LRRC4C: variants seen among roughly 807,000 people sequenced by gnomAD.
LRRC4C encodes the protein leucine-rich repeat-containing protein 4C.
Under a neutral mutation model 33.6 loss-of-function variants are expected in LRRC4C, and 5 were observed. The observed-to-expected ratio is 0.15, with a 90% CI of 0.08 to 0.31. The LOEUF is 0.31. Ranked by LOEUF, LRRC4C falls within the 10% of genes least tolerant of loss-of-function variation. LRRC4C has a pLI of 1.00. For synonymous variants in LRRC4C, 329 were observed against 302.0 expected, an observed-to-expected ratio of 1.09 and a Z score of -0.93; for missense variants, 560 against 796.7, an observed-to-expected ratio of 0.70 and a Z score of 3.58.
intron 5 of LRRC4C, among the ~76,000 whole-genome samples, chr11:40,187,527 TTG>T: frequency 6.6e-6 from 1 of 152,060 alleles, no homozygotes; most frequent in East Asian, 1.9e-4. Flanking sequence ...TGATCTTCTC[TTG>T]AAAAGGAGCA....
intron 5 of LRRC4C, among the ~76,000 whole-genome samples, chr11:40,148,289 C>T (rs1857910071): frequency 6.6e-6 from 1 of 152,214 alleles, no homozygotes; most frequent in African/African-American, 2.4e-5. Context: ...AGCTAATGTA[C>T]ACTCCTACCA....
intron 2 of LRRC4C, among the ~76,000 whole-genome samples, chr11:40,874,789 A>C (rs957201066): frequency 6.6e-6 from 1 of 152,188 alleles, no homozygotes; most frequent in African/African-American, 2.4e-5. Context: ...GCCTTGCAGC[A>C]ACATAGTATA....
intron 3 of LRRC4C, among the ~76,000 whole-genome samples, chr11:40,485,459 T>A (rs1213556790): frequency 3.3e-5 from 5 of 152,028 alleles, no homozygotes; most frequent in African/African-American, 1.2e-4. Flanking sequence ...CCAGCTAATT[T>A]GTGAAATGAA....
intron 4 of LRRC4C, among the ~76,000 whole-genome samples, chr11:40,269,099 A>G (rs1174803843): frequency 6.6e-6 from 1 of 152,162 alleles, no homozygotes; most frequent in Non-Finnish European, 1.5e-5. Context: ...TGTATTTAAA[A>G]TCTACAGCTG....
At chr11:40,496,776 T>A (rs1476644346) in intron 3 of LRRC4C, among the ~76,000 whole-genome samples, 3 of 152,194 alleles carry the variant, frequency 2.0e-5, no homozygotes, top group Admixed American at 2.0e-4. Flanking sequence ...GGGTTCAGGT[T>A]AATCCAATCA....
intron 2 of LRRC4C, among the ~76,000 whole-genome samples, chr11:40,897,406 C>T (rs1955992808): frequency 6.6e-6 from 1 of 152,110 alleles, no homozygotes; most frequent in African/African-American, 2.4e-5. Flanking sequence ...TCAAAGAAAG[C>T]AAGTCATGAA....
intron 3 of LRRC4C, among the ~76,000 whole-genome samples, chr11:40,498,312 C>T (rs1565448165): frequency 6.6e-6 from 1 of 152,132 alleles, no homozygotes. Context: ...AAGGTACCTT[C>T]CAATATAGCA....
At chr11:40,658,416 C>T (rs901042686) in intron 2 of LRRC4C, among the ~76,000 whole-genome samples, 3 of 152,078 alleles carry the variant, frequency 2.0e-5, no homozygotes, top group Non-Finnish European at 4.4e-5. Context: ...CTTCTGTTGC[C>T]CAGTGTTCAT....
At chr11:41,001,201 A>G (rs986348137) in intron 1 of LRRC4C, among the ~76,000 whole-genome samples, 7 of 152,104 alleles carry the variant, frequency 4.6e-5, no homozygotes, top group South Asian at 2.1e-4. Flanking sequence ...AGGTACCACA[A>G]TTTTTAACTA....
At chr11:40,138,940 C>T (rs1400739135) in intron 6 of LRRC4C, among the ~76,000 whole-genome samples, 1 of 152,190 alleles carries the variant, frequency 6.6e-6, no homozygotes, top group African/African-American at 2.4e-5. Context: ...TTCTTACCAA[C>T]ATGTGCTATC....
intron 5 of LRRC4C, among the ~76,000 whole-genome samples, chr11:40,169,511 A>C (rs1209442726): frequency 4.6e-5 from 7 of 152,178 alleles, no homozygotes. Context: ...TTTCACCATA[A>C]CACATTTTAT....
intron 2 of LRRC4C, among the ~76,000 whole-genome samples, chr11:40,696,716 A>C (rs1017107539): frequency 2.1e-5 from 3 of 140,536 alleles, no homozygotes; most frequent in Non-Finnish European, 4.6e-5. Context: ...TGCAGCACAG[A>C]AAAATTGTCT....
intron 3 of LRRC4C, among the ~76,000 whole-genome samples, chr11:40,433,566 T>A (rs960968212): frequency 7.2e-5 from 11 of 152,260 alleles, no homozygotes; most frequent in Admixed American, 5.9e-4. Flanking sequence ...AATTAGATAG[T>A]TACTAACTCT....
intron 1 of LRRC4C, among the ~76,000 whole-genome samples, chr11:41,293,939 T>G (rs548203857): frequency 6.6e-6 from 1 of 152,262 alleles, no homozygotes; most frequent in African/African-American, 2.4e-5. Context: ...GATACACATA[T>G]GTGCACACAC....
intron 2 of LRRC4C, among the ~76,000 whole-genome samples, chr11:40,853,573 C>T (rs1276606679): frequency 6.6e-6 from 1 of 151,824 alleles, no homozygotes; most frequent in African/African-American, 2.4e-5. Context: ...CGATCAAAAA[C>T]AAGAAAAGAC....
At chr11:40,614,172 C>A (rs1961522686) in intron 3 of LRRC4C, among the ~76,000 whole-genome samples, 1 of 151,880 alleles carries the variant, frequency 6.6e-6, no homozygotes, top group East Asian at 1.9e-4. Flanking sequence ...ATTAAAGTCC[C>A]AGATGGCATC....
chr11:40,270,683 G>A (rs1359762889), intron 4 of LRRC4C, among the ~76,000 whole-genome samples: 1 of 151,976 alleles, frequency 6.6e-6, no homozygotes, highest in Non-Finnish European at 1.5e-5. Flanking sequence ...CTTACAATGA[G>A]GTAGAGGTGA....
At chr11:40,229,015 C>T (rs1266949334) in intron 5 of LRRC4C, among the ~76,000 whole-genome samples, 1 of 152,134 alleles carries the variant, frequency 6.6e-6, no homozygotes, top group Non-Finnish European at 1.5e-5. Context: ...TATTAAGGCA[C>T]ATCAGAAGTT....
At chr11:41,169,242 G>C (rs1355313815) in intron 1 of LRRC4C, among the ~76,000 whole-genome samples, 1 of 152,040 alleles carries the variant, frequency 6.6e-6, no homozygotes, top group Non-Finnish European at 1.5e-5. Context: ...TTTATTTTCA[G>C]CATTGAGGAT....
Sources: allele counts gnomAD v4.1 joint callset (sites outside exome capture counted in the v4.1 genomes callset), GRCh38; gene constraint gnomAD v4.1.1; transcripts MANE v1.5; gene names NCBI Gene and HGNC (gene_info 2026-07-23, HGNC 2026-07-21).